Variants in CSGALNACT1 observed in about 807,000 individuals in gnomAD.
CSGALNACT1 encodes the protein beta4GalNAcT-1.
A neutral mutation model predicts 51.0 loss-of-function variants in CSGALNACT1; 52 were observed. The observed-to-expected ratio is 1.02, with a 90% CI of 0.82 to 1.29. The LOEUF is 1.29. Among genes scored for constraint, CSGALNACT1 ranks in the 50% most tolerant of loss-of-function variants. The pLI is 0.00. For synonymous variants in CSGALNACT1, 341 were observed against 254.4 expected, an observed-to-expected ratio of 1.34 and a Z score of -3.24; for missense variants, 935 against 679.2, an observed-to-expected ratio of 1.38 and a Z score of -4.19.
chr8:19,703,611 CTT>C (rs1255409366), intron 1 of CSGALNACT1, among the ~76,000 whole-genome samples: 1 of 152,208 alleles, frequency 6.6e-6, no homozygotes, highest in Non-Finnish European at 1.5e-5. Context: ...CCAGCCCTCT[CTT>C]TGTTTTTAGT....
chr8:19,533,072 G>T (rs1475324854), intron 3 of CSGALNACT1, among the ~76,000 whole-genome samples: 1 of 151,944 alleles, frequency 6.6e-6, no homozygotes, highest in Non-Finnish European at 1.5e-5. Flanking sequence ...CTTTTCTACT[G>T]TATATTCTAT....
chr8:19,518,485 A>G (rs1478330252), intron 3 of CSGALNACT1, among the ~76,000 whole-genome samples: 1 of 152,176 alleles, frequency 6.6e-6, no homozygotes, highest in Non-Finnish European at 1.5e-5. Flanking sequence ...CTATGTAAAC[A>G]TCATACCTGA....
intron 1 of CSGALNACT1, among the ~76,000 whole-genome samples, chr8:19,718,461 T>A (rs570992837): frequency 6.6e-6 from 1 of 152,168 alleles, no homozygotes; most frequent in Non-Finnish European, 1.5e-5. Context: ...AAGATTGAAT[T>A]TGCACAGTTC....
At chr8:19,509,325 A>G (rs2077996134) in intron 3 of CSGALNACT1, among the ~76,000 whole-genome samples, 10 of 152,136 alleles carry the variant, frequency 6.6e-5, no homozygotes. Context: ...CATCATTCTT[A>G]AAAGTGGGTG....
chr8:19,501,648 G>C (rs1026876167), intron 4 of CSGALNACT1, among the ~76,000 whole-genome samples: 1 of 152,214 alleles, frequency 6.6e-6, no homozygotes, highest in Non-Finnish European at 1.5e-5. Context: ...CACATTATCA[G>C]ATGTTTGGAT....
At chr8:19,504,152 C>A (rs1228574751) in intron 4 of CSGALNACT1, among the ~76,000 whole-genome samples, 2 of 151,994 alleles carry the variant, frequency 1.3e-5, no homozygotes, top group Non-Finnish European at 2.9e-5. Flanking sequence ...TCTCGGCTCA[C>A]TGCAAGCTCT....
chr8:19,407,011 G>C (rs1018487191), intron 9 of CSGALNACT1, among the ~76,000 whole-genome samples: 3 of 152,122 alleles, frequency 2.0e-5, no homozygotes, highest in African/African-American at 2.4e-5. Context: ...GCTCGGCCTA[G>C]AAAATTTTTA....
chr8:19,440,228 G>T (rs977735958), intron 5 of CSGALNACT1, among the ~76,000 whole-genome samples: 1 of 152,174 alleles, frequency 6.6e-6, no homozygotes, highest in Non-Finnish European at 1.5e-5. Context: ...CAGTGTCATG[G>T]AATTGGGTCC....
intron 2 of CSGALNACT1, among the ~76,000 whole-genome samples, chr8:19,591,885 T>G (rs746839516): frequency 6.6e-6 from 1 of 152,168 alleles, no homozygotes; most frequent in Non-Finnish European, 1.5e-5. Flanking sequence ...TATTATAGTA[T>G]TTTTAAAAAT....
At chr8:19,404,927 C>T (rs2053859827) in exon 10 of CSGALNACT1, 1 of 454,046 alleles carries the variant, frequency 2.2e-6, no homozygotes, top group South Asian at 1.6e-5. Context: ...CAAACCATTC[C>T]TTCCCTATGT....
At chr8:19,656,786 G>C (rs990908299) in intron 1 of CSGALNACT1, among the ~76,000 whole-genome samples, 1 of 152,090 alleles carries the variant, frequency 6.6e-6, no homozygotes, top group Non-Finnish European at 1.5e-5. Context: ...AAACCATGTA[G>C]GCCAGATGCA....
At chr8:19,412,141 T>G (rs981086243) in intron 8 of CSGALNACT1, among the ~76,000 whole-genome samples, 3 of 152,166 alleles carry the variant, frequency 2.0e-5, no homozygotes, top group African/African-American at 7.2e-5. Context: ...CCTGCTATCC[T>G]CATTTTCTAA....
At chr8:19,506,187 T>G in intron 3 of CSGALNACT1, 57 bp from the exon 3 acceptor site, 1 of 484,412 alleles carries the variant, frequency 2.1e-6, no homozygotes. Context: ...TCCCTCATGT[T>G]CCCTACGGCA....
At chr8:19,665,858 A>C (rs1342596129) in intron 1 of CSGALNACT1, among the ~76,000 whole-genome samples, 1 of 152,242 alleles carries the variant, frequency 6.6e-6, no homozygotes. Flanking sequence ...ATTCATTTAC[A>C]GTTAACATTT....
chr8:19,407,400 C>T (rs892656714), intron 9 of CSGALNACT1, among the ~76,000 whole-genome samples: 1 of 152,154 alleles, frequency 6.6e-6, no homozygotes, highest in South Asian at 2.1e-4. Flanking sequence ...CTCCATGCCA[C>T]ACCCTGAGGG....
intron 1 of CSGALNACT1, among the ~76,000 whole-genome samples, chr8:19,731,602 G>T (rs17481744): frequency 0.17 from 25,142 of 151,842 alleles, 2,278 homozygotes; most frequent in Middle Eastern, 0.26. Flanking sequence ...TCTCCATCTT[G>T]AACACAACAC....
intron 4 of CSGALNACT1, among the ~76,000 whole-genome samples, chr8:19,491,283 C>T (rs2074305158): frequency 1.3e-5 from 2 of 152,136 alleles, no homozygotes; most frequent in South Asian, 4.1e-4. Context: ...TTTTACCAGT[C>T]TCCTATTGTT....
At chr8:19,528,628 C>T (rs2082171347) in intron 3 of CSGALNACT1, among the ~76,000 whole-genome samples, 1 of 152,200 alleles carries the variant, frequency 6.6e-6, no homozygotes, top group South Asian at 2.1e-4. Context: ...CAAATCTCTC[C>T]TTCCTTAAAC....
At chr8:19,752,879 T>C (rs1369714603) in intron 1 of CSGALNACT1, among the ~76,000 whole-genome samples, 2 of 152,210 alleles carry the variant, frequency 1.3e-5, no homozygotes, top group Non-Finnish European at 2.9e-5. Flanking sequence ...GTTCAAAACA[T>C]GAAATTCTAG....
Sources: gnomAD v4.1 joint callset for allele counts (sites outside exome capture counted in the v4.1 genomes callset) on GRCh38, gnomAD v4.1.1 for gene constraint, MANE v1.5 for transcripts, NCBI Gene and HGNC (gene_info 2026-07-23, HGNC 2026-07-21) for gene names.